Variants in CASS4 observed in about 807,000 individuals in gnomAD.
The protein encoded by CASS4 is cas scaffolding protein family member 4.
In CASS4, 22 loss-of-function variants were observed where a neutral mutation model predicts 54.2. That is an observed-to-expected ratio of 0.41 (90% CI 0.29 to 0.58). The LOEUF is 0.58. CASS4 is among the 20% of genes least tolerant of loss of function. The probability of loss-of-function intolerance (pLI) is 0.36; values close to 1 mark genes in which losing one functional copy is unlikely to be tolerated. For synonymous variants in CASS4, 409 were observed against 391.5 expected, an observed-to-expected ratio of 1.04 and a Z score of -0.53; for missense variants, 854 against 986.7, an observed-to-expected ratio of 0.87 and a Z score of 1.80.
chr20:56,420,760 A>G (rs578259317), intron 1 of CASS4, among the ~76,000 whole-genome samples: 2 of 152,238 alleles, frequency 1.3e-5, no homozygotes, highest in South Asian at 2.1e-4. Flanking sequence ...TCAGTAATCA[A>G]TAACAAACAA....
intron 1 of CASS4, among the ~76,000 whole-genome samples, chr20:56,429,167 C>T (rs1365013621): frequency 1.3e-5 from 2 of 152,216 alleles, no homozygotes; most frequent in Non-Finnish European, 2.9e-5. Flanking sequence ...CTCATCTAAG[C>T]TGCTCCTGCC....
intron 1 of CASS4, among the ~76,000 whole-genome samples, chr20:56,428,754 GC>G (rs1357363449): frequency 6.6e-6 from 1 of 152,196 alleles, no homozygotes; most frequent in African/African-American, 2.4e-5. Context: ...ACTTGGAAAG[GC>G]CGTGCAGAGT....
intron 2 of CASS4, among the ~76,000 whole-genome samples, chr20:56,443,212 T>C (rs1980543354): frequency 6.6e-6 from 1 of 151,234 alleles, no homozygotes. Flanking sequence ...CCTGGCGCGG[T>C]GGCTCACGCC....
Position 56,452,199 on chromosome 20 carries a change from A to G in CASS4, c.1023A>G (p.Glu341=). The G allele has an allele frequency of 1.2e-6, 2 of 1,614,200 alleles. No individual in the cohort carries two copies. Among genetic ancestry groups the G allele is most frequent in the Non-Finnish European group, 1.7e-6 (2 of 1,180,042 alleles). The change falls in exon 5 of 6, where the codon GAA becomes GAG. Residue 341 remains glutamate, a synonymous_variant. Transcript: ENST00000679887. The part of the protein sequence containing the change: ...VPSSFLIPRV[E]QQNTKPNIYD... ...CAAGCTTTCTGATTCCCCGAGTGGA[A>G]CAGCAGAACACCAAGCCCAATATTT...
chr20:56,453,209 T>C, intron 5 of CASS4, 80 bp downstream of exon 5: 1 of 1,022,422 alleles, frequency 9.8e-7, no homozygotes, highest in Non-Finnish European at 1.4e-6. Context: ...GCTGAGACTC[T>C]TTCCATAGTG....
intron 1 of CASS4, among the ~76,000 whole-genome samples, chr20:56,429,284 G>A (rs1169910005): frequency 5.9e-5 from 9 of 152,084 alleles, no homozygotes; most frequent in Non-Finnish European, 1.3e-4. Context: ...TCAGCAGTGC[G>A]TCCCTCCCTT....
At chr20:56,442,877 G>A (rs533417197) in intron 2 of CASS4, among the ~76,000 whole-genome samples, 9 of 151,734 alleles carry the variant, frequency 5.9e-5, no homozygotes, top group African/African-American at 1.9e-4. Flanking sequence ...CTGGGCCTAC[G>A]TTTTCCAAGA....
At chr20:56,416,555 G>A (rs1600741617) in intron 1 of CASS4, among the ~76,000 whole-genome samples, 1 of 149,864 alleles carries the variant, frequency 6.7e-6, no homozygotes, top group Non-Finnish European at 1.5e-5. Flanking sequence ...GTGTGTGTGT[G>A]TGTATGCACA....
At position 56,437,545 on chromosome 20, in the gene CASS4, G is replaced by T; in HGVS notation, c.418G>T (p.Ala140Ser). The T allele has an allele frequency of 6.4e-7, 1 of 1,560,616 alleles. No individual in the cohort carries two copies. The highest frequency in any genetic ancestry group is 8.7e-7 in the Non-Finnish European group (1 of 1,155,192). Residue 140 changes from alanine to serine, a missense_variant, in exon 2 of 6, where the codon GCC becomes TCC. Transcript: ENST00000679887. The surrounding 1 kb of genome is among the most constrained non-coding windows in gnomAD (Gnocchi z 4.7). Reference sequence around the variant, plus strand: ...TGAATTCCCCGACCCTCCCACCAGTGCCAGAATCATCTGTGAAAAGACTCT... The same window carrying T: ...TGAATTCCCCGACCCTCCCACCAGTTCCAGAATCATCTGTGAAAAGACTCT... ...VYEFPDPPTS[A>S]RIICEKTLSF... is the part of the protein sequence containing the mutation.
upstream of CASS4, chr20:56,412,182 T>A: frequency 2.1e-6 from 1 of 471,542 alleles, no homozygotes. The surrounding 1 kb of genome is among the most constrained non-coding windows in gnomAD (Gnocchi z 4.2). Context: ...CAGTCTCTAC[T>A]TACAGACAAA....
intron 5 of CASS4, among the ~76,000 whole-genome samples, chr20:56,456,792 C>A (rs1353333278): frequency 1.3e-5 from 2 of 152,194 alleles, no homozygotes; most frequent in African/African-American, 4.8e-5. Context: ...GATTCTCCCA[C>A]CTCAGCCTCC....
intron 1 of CASS4, among the ~76,000 whole-genome samples, chr20:56,413,185 G>A (rs537542321): frequency 0.16 from 23,796 of 146,222 alleles, 2,802 homozygotes; most frequent in African/African-American, 0.34. Context: ...AAAAAAAAAA[G>A]AAAAGAAAAG....
intron 5 of CASS4, 49 bp downstream of exon 5, chr20:56,453,178 T>C: frequency 7.4e-7 from 1 of 1,345,674 alleles, no homozygotes; most frequent in Non-Finnish European, 1.0e-6. Context: ...AATTGTTACC[T>C]GGAGTAGTGG....
chr20:56,420,331 G>A (rs982226092), intron 1 of CASS4, among the ~76,000 whole-genome samples: 101 of 152,246 alleles, frequency 6.6e-4, no homozygotes, highest in African/African-American at 2.1e-3. Flanking sequence ...TGTCTTGGAG[G>A]TGTTTGCCAT....
rs371150425 is a variant in CASS4 at position 56,452,728 on chromosome 20, G to A, written c.1552G>A (p.Asp518Asn). The change falls in exon 5 of 6, where the codon GAC becomes AAC. Residue 518 changes from aspartate (D) to asparagine (N), a missense_variant. By Grantham distance (23) the Asp-to-Asn change is conservative. Coordinates refer to ENST00000679887, the MANE Select transcript of CASS4 (RefSeq NM_020356.4). ...TDSNLQNRIR[D>N]QMQTISNSYR... ...CAGTAACCTTCAGAACAGAATTCGG[G>A]ACCAGATGCAGACCATCTCCAACTC... 9 of 1,613,954 alleles carry A rather than the reference G, an allele frequency of 5.6e-6. No individual in the cohort carries two copies. In the African/African-American group the frequency reaches 9.3e-5, roughly 17 times the overall value.
chr20:56,417,232 A>G (rs538092998), intron 1 of CASS4, among the ~76,000 whole-genome samples: 2 of 152,308 alleles, frequency 1.3e-5, no homozygotes, highest in East Asian at 3.9e-4. Context: ...GGTGAGCAAG[A>G]CATTTCAAAC....
chr20:56,413,511 A>G (rs745411263), intron 1 of CASS4, among the ~76,000 whole-genome samples: 1 of 152,002 alleles, frequency 6.6e-6, no homozygotes, highest in South Asian at 2.1e-4. Context: ...CATATCTACC[A>G]AAAATACAAC....
chr20:56,429,074 C>T (rs770459090), intron 1 of CASS4, among the ~76,000 whole-genome samples: 16 of 152,216 alleles, frequency 1.1e-4, no homozygotes, highest in African/African-American at 2.9e-4. Context: ...GTGTCCACCC[C>T]GGCCTAGAGA....
rs1478476379 is a variant in CASS4, at chr20:56,452,115, C to T, written c.939C>T (p.Gly313=). ...KLSLPEIPSY[G]FLVPRGTFPL... is the part of the protein sequence containing the mutation. ...GCCTTCCAGAAATTCCTTCTTATGG[C>T]TTTCTTGTACCCAGAGGCACATTTC... The change falls in exon 5 of 6, where the codon GGC becomes GGT. Residue 313 remains glycine (G), a synonymous_variant. Coordinates refer to ENST00000679887, the MANE Select transcript of CASS4 (RefSeq NM_020356.4). 6.2e-7 allele frequency: 1 copy of T among 1,614,210 alleles called. No homozygotes were observed. The highest frequency in any genetic ancestry group is 8.5e-7 in the Non-Finnish European group (1 of 1,180,048).
Sources: gnomAD v4.1 joint callset for allele counts (sites outside exome capture counted in the v4.1 genomes callset) on GRCh38, gnomAD v4.1.1 for gene constraint, Gnocchi (gnomAD v3.1) non-coding constraint, MANE v1.5 for transcripts, NCBI Gene and HGNC (gene_info 2026-07-23, HGNC 2026-07-21) for gene names.